Variants in CDKL5 observed in about 807,000 individuals in gnomAD.
CDKL5 encodes cyclin dependent kinase like 5.
In CDKL5, 8 loss-of-function variants were observed where a neutral mutation model predicts 61.7. The ratio of observed to expected loss-of-function variants is 0.13; its 90% CI spans 0.08 to 0.23. The LOEUF is 0.23. CDKL5 is among the 10% of genes least tolerant of loss of function. The pLI, the probability that CDKL5 is intolerant of heterozygous loss-of-function variation, is 1.00. For synonymous variants in CDKL5, 275 were observed against 272.3 expected, an observed-to-expected ratio of 1.01 and a Z score of -0.10; for missense variants, 440 against 734.5, an observed-to-expected ratio of 0.60 and a Z score of 4.63.
chrX:18,575,554 T>A, intron 5 of CDKL5, 64 bp downstream of exon 5: 2 of 1,052,908 alleles, frequency 1.9e-6, no homozygotes, highest in Non-Finnish European at 2.7e-6. Context: ...GTTTCTGACA[T>A]TATTTAAGAA....
chrX:18,514,816 T>A (rs1457073853), intron 3 of CDKL5, among the ~76,000 whole-genome samples: 2 of 111,540 alleles, frequency 1.8e-5, no homozygotes, highest in Admixed American at 1.9e-4. Flanking sequence ...TTTGGTTTTT[T>A]TTGTGACGAA....
intron 1 of CDKL5, among the ~76,000 whole-genome samples, chrX:18,484,330 G>T (rs765818444): frequency 4.6e-5 from 5 of 108,703 alleles, no homozygotes; most frequent in South Asian, 4.0e-4. Context: ...TTTTTTTTTG[G>T]GGGGGGGACA....
downstream of CDKL5, chrX:18,644,623 C>T (rs61752075): frequency 8.3e-7 from 1 of 1,210,595 alleles, no homozygotes; most frequent in Non-Finnish European, 1.1e-6. Flanking sequence ...GAGCCAGGCA[C>T]ACCTGCCGAG....
chrX:18,608,044 T>C (rs1261213639), intron 12 of CDKL5, among the ~76,000 whole-genome samples: 1 of 112,171 alleles, frequency 8.9e-6, no homozygotes, highest in Non-Finnish European at 1.9e-5. Flanking sequence ...TTCTAATGAC[T>C]TGGTAATTTT....
At position 18,507,008 on chromosome X, in the gene CDKL5, A is replaced by G. The variant is rs1922600197; in HGVS notation, c.-89A>G. The stretch of plus-strand genomic sequence containing the variant: ...CCAACCAGTGAGAATTTCTTCCTTC[A>G]GACGGTTTTGGATCTTACTGCACAG... On this transcript the variant is annotated 5_prime_UTR_variant, in exon 2 of 18. Coordinates refer to ENST00000623535, the MANE Select transcript of CDKL5 (RefSeq NM_001323289.2). 1.5e-6 allele frequency: 1 copy of G among 654,490 alleles called. No individual in the cohort carries two copies. Among genetic ancestry groups the G allele is most frequent in the Admixed American group, 2.3e-5 (1 of 44,217 alleles). 53.9% of individuals were successfully genotyped at this position (654,490 alleles called of 1,213,427 possible).
intron 1 of CDKL5, among the ~76,000 whole-genome samples, chrX:18,467,235 A>G (rs759798286): frequency 1.8e-5 from 2 of 111,025 alleles, no homozygotes; most frequent in Non-Finnish European, 3.8e-5. Context: ...CATTATCTAT[A>G]AGGAACATCT....
intron 1 of CDKL5, among the ~76,000 whole-genome samples, chrX:18,428,882 A>T (rs756226828): frequency 4.7e-4 from 53 of 111,722 alleles, no homozygotes; most frequent in Non-Finnish European, 7.9e-4. Context: ...CTACATTTAA[A>T]CTTTCTGTTT....
intron 21 of CDKL5, among the ~76,000 whole-genome samples, chrX:18,651,579 G>C (rs934070822): frequency 1.8e-5 from 2 of 110,955 alleles, no homozygotes; most frequent in Non-Finnish European, 3.8e-5. Context: ...GGCTCAGAGG[G>C]AGAGGAGCCA....
At chrX:18,541,633 G>A (rs1259483722) in intron 3 of CDKL5, among the ~76,000 whole-genome samples, 2 of 111,070 alleles carry the variant, frequency 1.8e-5, no homozygotes, top group Non-Finnish European at 3.8e-5. Context: ...CTAGGCTCAG[G>A]TGATCCTCCA....
rs1408045705 is a variant in CDKL5, at chrX:18,506,281, T to A, written c.-162-654T>A. Among the ~76,000 whole-genome samples the A allele has an allele frequency of 3.6e-5, 4 of 111,232 alleles. No individual in the cohort carries two copies. The Admixed American group carries it at 3.8e-4, about 11-fold the overall frequency. On this transcript the variant is annotated intron_variant, in intron 1 of 17. Coordinates refer to ENST00000623535, the MANE Select transcript of CDKL5 (RefSeq NM_001323289.2). ...ATTTCTTCAAGGAACCCTAGTTCCT[T>A]TTATCAGAGCACCAGCTGTGTTCAT...
chrX:18,614,079 G>A lies in CDKL5; in HGVS notation c.2276+804G>A, dbSNP rs141587928. Among the ~76,000 whole-genome samples the A allele has an allele frequency of 3.3e-3, 367 of 111,348 alleles. 1 individual carries two copies. Among genetic ancestry groups the A allele is most frequent in the Middle Eastern group, 9.4e-3 (2 of 212 alleles). On this transcript the variant is annotated intron_variant, in intron 15 of 17. Coordinates refer to ENST00000623535, the MANE Select transcript of CDKL5 (RefSeq NM_001323289.2). Reference sequence around the variant, plus strand: ...CAAGAGCATAAAATGGGACATCACTGTAAGACACTGGATTTGGAACAAGAC... The same window carrying A: ...CAAGAGCATAAAATGGGACATCACTATAAGACACTGGATTTGGAACAAGAC...
intron 1 of CDKL5, among the ~76,000 whole-genome samples, chrX:18,452,383 T>G (rs989041065): frequency 1.8e-5 from 2 of 111,737 alleles, no homozygotes; most frequent in Non-Finnish European, 3.8e-5. Context: ...TAGTAAGTAG[T>G]ATTAACACAT....
intron 3 of CDKL5, among the ~76,000 whole-genome samples, chrX:18,519,406 C>T (rs1473505362): frequency 8.9e-6 from 1 of 111,790 alleles, no homozygotes; most frequent in East Asian, 2.8e-4. Context: ...GCGTAGTGGC[C>T]TTAGTGAACC....
At chrX:18,534,601 A>G (rs976617791) in intron 3 of CDKL5, among the ~76,000 whole-genome samples, 48 of 112,161 alleles carry the variant, frequency 4.3e-4, no homozygotes, top group African/African-American at 1.5e-3. Flanking sequence ...CTCTAAATAA[A>G]TAGTAGTTGA....
chrX:18,595,458 A>G, intron 10 of CDKL5, 30 bp downstream of exon 10: 1 of 973,968 alleles, frequency 1.0e-6, no homozygotes, highest in South Asian at 1.9e-5. Context: ...TCTCTATAAA[A>G]TGTCTTTTGG....
At chrX:18,437,544 C>G (rs894824834) in intron 1 of CDKL5, among the ~76,000 whole-genome samples, 1 of 111,891 alleles carries the variant, frequency 8.9e-6, no homozygotes, top group Non-Finnish European at 1.9e-5. Flanking sequence ...TTTAATATTT[C>G]TCAGCATTTA....
intron 4 of CDKL5, among the ~76,000 whole-genome samples, chrX:18,568,433 A>G (rs1358834290): frequency 8.9e-6 from 1 of 112,274 alleles, no homozygotes; most frequent in African/African-American, 3.2e-5. Context: ...TGGGACTTTA[A>G]GTGGATAAAA....
chrX:18,537,525 C>T (rs767741926), intron 3 of CDKL5, among the ~76,000 whole-genome samples: 1 of 111,989 alleles, frequency 8.9e-6, no homozygotes, highest in South Asian at 3.7e-4. Context: ...TTTATCTGCA[C>T]TCCTGTGTGT....
At chrX:18,566,871 A>G (rs762194852) in intron 4 of CDKL5, among the ~76,000 whole-genome samples, 1 of 110,884 alleles carries the variant, frequency 9.0e-6, no homozygotes, top group South Asian at 3.9e-4. Flanking sequence ...CTCTGCCCTC[A>G]TCTCTGCCAG....
Sources: gnomAD v4.1 joint callset for allele counts (sites outside exome capture counted in the v4.1 genomes callset) on GRCh38, gnomAD v4.1.1 for gene constraint, MANE v1.5 for transcripts, NCBI Gene and HGNC (gene_info 2026-07-23, HGNC 2026-07-21) for gene names.